PTPRN2: variants seen among roughly 807,000 people sequenced by gnomAD.
PTPRN2 encodes protein tyrosine phosphatase receptor type N2, also known as receptor-type tyrosine-protein phosphatase N2.
Under a neutral mutation model 118.8 loss-of-function variants are expected in PTPRN2, and 74 were observed. The observed-to-expected ratio is 0.62, with a 90% confidence interval of 0.52 to 0.76. The LOEUF (loss-of-function observed/expected upper bound fraction) is 0.76, where lower values mean the gene tolerates loss of function less well. PTPRN2 is among the 30% of genes least tolerant of loss of function. The probability of loss-of-function intolerance (pLI) is 0.00; values close to 1 mark genes in which losing one functional copy is unlikely to be tolerated. For synonymous variants in PTPRN2, 641 were observed against 608.0 expected (o/e 1.05, Z -0.80); for missense variants, 1,481 against 1,394.4 (o/e 1.06, Z -0.99).
intron 14 of PTPRN2, among the ~76,000 whole-genome samples, chr7:157,625,595 G>A (rs1258944093): frequency 6.6e-6 from 1 of 152,094 alleles, no homozygotes; most frequent in Non-Finnish European, 1.5e-5. Flanking sequence ...AAGGAGGGGG[G>A]CGAGGGATAA....
At chr7:157,760,462 T>A (rs1802065091) in intron 12 of PTPRN2, among the ~76,000 whole-genome samples, 1 of 152,062 alleles carries the variant, frequency 6.6e-6, no homozygotes, top group Non-Finnish European at 1.5e-5. Flanking sequence ...GAGATCATTA[T>A]CTGGGCCCAG....
At chr7:158,262,575 A>T (rs1797522350) in intron 3 of PTPRN2, among the ~76,000 whole-genome samples, 1 of 148,268 alleles carries the variant, frequency 6.7e-6, no homozygotes, top group South Asian at 2.2e-4. Context: ...ACACATTCAC[A>T]CACAGCACAC....
rs1437783678 is a variant in PTPRN2, at chr7:158,317,284, C to G, written c.164-352G>C. 2.0e-4 allele frequency among the ~76,000 whole-genome samples: 30 copies of G among 152,178 alleles called. 1 individual carries two copies. Among genetic ancestry groups the G allele is most frequent in the Admixed American group, 2.0e-3 (30 of 15,284 alleles). On this transcript the variant is annotated intron_variant, in intron 2 of 22. Transcript: ENST00000389418. The stretch of plus-strand genomic sequence containing the variant: ...CTCAGTGACAACAAAAAAACAAAGT[C>G]AATAACATTCCAGGCCAGTTTTCCA...
Position 158,093,279 on chromosome 7 carries a change from G to A in PTPRN2, c.1644-11902C>T, listed in dbSNP as rs10273180. On this transcript the variant is annotated intron_variant, in intron 10 of 22. Coordinates refer to ENST00000389418, the MANE Select transcript of PTPRN2 (RefSeq NM_002847.5). This position sits in a 1 kb window ranked among gnomAD's most constrained non-coding sequence, Gnocchi z 4.4. ...TGCACCGTCCTTTCCTGACTCTGCC[G>A]CTGGACCGACCCCCACACTGTAGAC... Among the ~76,000 whole-genome samples the A allele has an allele frequency of 6.9e-3, 1,002 of 144,638 alleles. 81 individuals carry two copies. The highest frequency in any genetic ancestry group is 0.026 in the African/African-American group (957 of 36,500). The allele number at this position is 144,638 out of a possible 152,430, so 94.9% of individuals were successfully genotyped here. A position where few individuals can be genotyped will look rare whatever the true frequency, so the allele number is the denominator to read the frequency against.
chr7:157,944,297 G>A lies in PTPRN2; in HGVS notation c.1724-45560C>T, dbSNP rs114003221. 0.011 allele frequency among the ~76,000 whole-genome samples: 1,721 copies of A among 152,220 alleles called. 38 individuals are homozygous for A. Among genetic ancestry groups the A allele is most frequent in the South Asian group, 0.045 (218 of 4,818 alleles). On this transcript the variant is annotated intron_variant, in intron 11 of 22. Transcript: ENST00000389418. This position sits in a 1 kb window ranked among gnomAD's most constrained non-coding sequence, Gnocchi z 4.3. Reference sequence around the variant, plus strand: ...GTCATGTCCAGCTTAACCAACACACGGCCCAGCAGTCTCGGTCAGTGGAGC... The same window carrying A: ...GTCATGTCCAGCTTAACCAACACACAGCCCAGCAGTCTCGGTCAGTGGAGC...
At chr7:157,988,095 G>T (rs1382987044) in intron 11 of PTPRN2, among the ~76,000 whole-genome samples, 1 of 152,328 alleles carries the variant, frequency 6.6e-6, no homozygotes, top group East Asian at 1.9e-4. Context: ...CATGCAGACG[G>T]AGAGGAGAAG....
intron 11 of PTPRN2, among the ~76,000 whole-genome samples, chr7:157,949,813 C>T (rs6951663): frequency 0.13 from 20,191 of 152,158 alleles, 1,451 homozygotes; most frequent in Non-Finnish European, 0.16. Context: ...TGGAGAGGGC[C>T]GAACAGGGTT....
chr7:158,326,347 G>T lies in PTPRN2; in HGVS notation c.164-9415C>A, dbSNP rs375405615. Among the ~76,000 whole-genome samples, 7 of 152,364 alleles carry T rather than the reference G, an allele frequency of 4.6e-5. 1 individual carries two copies. The South Asian group carries it at 1.5e-3, about 32-fold the overall frequency. On this transcript the variant is annotated intron_variant, in intron 2 of 22. Coordinates refer to ENST00000389418, the MANE Select transcript of PTPRN2 (RefSeq NM_002847.5). ...AGACATCGCTCAGGAGCCCTGCTCT[G>T]GCTCAGGCCTGAAGATGCCAGTGGC...
At chr7:157,887,026 G>A (rs1796495082) in intron 12 of PTPRN2, among the ~76,000 whole-genome samples, 1 of 152,086 alleles carries the variant, frequency 6.6e-6, no homozygotes, top group East Asian at 1.9e-4. Context: ...GCCCACAGCG[G>A]GCCTGTCCTG....
chr7:158,307,937 GCCT>G (rs1801415745), intron 3 of PTPRN2, among the ~76,000 whole-genome samples: 1 of 152,150 alleles, frequency 6.6e-6, no homozygotes. Context: ...AGCATGCTCA[GCCT>G]CCTCATCATG....
chr7:158,019,130 G>C (rs1465560573), intron 11 of PTPRN2, among the ~76,000 whole-genome samples: 3 of 152,234 alleles, frequency 2.0e-5, no homozygotes, highest in Admixed American at 2.0e-4. Flanking sequence ...AGCACTTGCA[G>C]CCGGACCACC....
At chr7:158,220,700 T>C (rs555275171) in intron 3 of PTPRN2, among the ~76,000 whole-genome samples, 75 of 151,860 alleles carry the variant, frequency 4.9e-4, no homozygotes, top group Middle Eastern at 3.4e-3. Context: ...TAAAAAACAC[T>C]GCAGAGATAA....
chr7:158,167,202 G>A lies in PTPRN2; in HGVS notation c.639C>T (p.Arg213=), dbSNP rs147529017. 94 of 1,613,704 alleles carry A rather than the reference G, an allele frequency of 5.8e-5. No individual in the cohort carries two copies. Among genetic ancestry groups the A allele is most frequent in the African/African-American group, 5.1e-4 (38 of 75,028 alleles). ...TYPPGSRTQL[R]EDLLPRTLGQ... ...CGAGGGTCCGCGGCAGGAGGTCCTC[G>A]CGGAGCTGGGTCCGGGACCCGGGAG... is the stretch of plus-strand genomic sequence containing the variant. The change falls in exon 6 of 23, where the codon CGC becomes CGT. Residue 213 remains arginine, a synonymous_variant. Transcript: ENST00000389418.
intron 12 of PTPRN2, among the ~76,000 whole-genome samples, chr7:157,816,943 G>A (rs1262621967): frequency 2.6e-5 from 4 of 152,188 alleles, no homozygotes; most frequent in Non-Finnish European, 5.9e-5. Flanking sequence ...TCTCTAACAG[G>A]GGTCCCCACA....
chr7:158,564,084 A>G (rs1827538113), intron 1 of PTPRN2, among the ~76,000 whole-genome samples: 1 of 152,224 alleles, frequency 6.6e-6, no homozygotes, highest in African/African-American at 2.4e-5. Flanking sequence ...TCTGGATCTG[A>G]GTTAACTGTT....
At chr7:158,019,387 G>A (rs537234398) in intron 11 of PTPRN2, among the ~76,000 whole-genome samples, 10 of 152,398 alleles carry the variant, frequency 6.6e-5, no homozygotes, top group East Asian at 1.9e-4. Context: ...GGCAGAGGCC[G>A]TGGTGTTTCT....
At chr7:158,322,864 T>G (rs529205505) in intron 2 of PTPRN2, among the ~76,000 whole-genome samples, 2 of 152,346 alleles carry the variant, frequency 1.3e-5, no homozygotes, top group Non-Finnish European at 2.9e-5. Flanking sequence ...GGCTGGAGAT[T>G]GCCAGGAGCC....
rs1014012692 is a variant in PTPRN2 at position 158,317,036 on chromosome 7, T to G, written c.164-104A>C. 3.5e-6 allele frequency: 3 copies of G among 858,338 alleles called. No individual in the cohort carries two copies. In the African/African-American group the frequency reaches 5.2e-5, roughly 15 times the overall value. The allele number at this position is 858,338 out of a possible 1,614,324, so 53.2% of individuals were successfully genotyped here. On this transcript the variant is annotated intron_variant, in intron 2 of 22. Coordinates refer to ENST00000389418, the MANE Select transcript of PTPRN2 (RefSeq NM_002847.5). ...AATGCGTTCTGATCATGTGCCGCCG[T>G]GAGGTTTTGGAGCACGGCGTCACCA...
At chr7:158,312,883 T>C (rs1002986170) in intron 3 of PTPRN2, among the ~76,000 whole-genome samples, 1 of 150,772 alleles carries the variant, frequency 6.6e-6, no homozygotes. Context: ...CATGAGCATG[T>C]GTGTGTGCAG....
Sources: allele counts gnomAD v4.1 joint callset (sites outside exome capture counted in the v4.1 genomes callset), GRCh38; gene constraint gnomAD v4.1.1; non-coding constraint Gnocchi (gnomAD v3.1); transcripts MANE v1.5; gene names NCBI Gene and HGNC (gene_info 2026-07-23, HGNC 2026-07-21).